The following ACAD10 variants were observed in gnomAD, a reference collection of about 807,000 sequenced individuals.
ACAD10 encodes acyl-CoA dehydrogenase family member 10.
ACAD10 carries 112 observed loss-of-function variants against 116.8 expected under a neutral mutation model. The ratio of observed to expected loss-of-function variants is 0.96; its 90% CI spans 0.82 to 1.12. ACAD10 has a LOEUF of 1.12. Ranked by LOEUF, ACAD10 falls within the 50% of genes most tolerant of loss-of-function variation. The pLI, the probability that ACAD10 is intolerant of heterozygous loss-of-function variation, is 0.00. For missense variants in ACAD10, 1,259 were observed against 1,350.2 expected (o/e 0.93, Z 1.06); for synonymous variants, 486 against 510.6 (o/e 0.95, Z 0.65).
intron 19 of ACAD10, 72 bp downstream of exon 19, chr12:111,753,987 C>A: frequency 6.7e-7 from 1 of 1,499,618 alleles, no homozygotes; most frequent in Non-Finnish European, 8.9e-7. Context: ...AGCATGAGAG[C>A]CTGGCTTCTT....
At position 111,709,609 on chromosome 12, in the gene ACAD10, C is replaced by T. The variant is rs750608750; in HGVS notation, c.615C>T (p.Pro205=). ...GCTTGGAGCAGCTCGGCCTGCAGCC[C>T]TCTGAGTCCATCTTTCTTGATGACC... ...KLCLEQLGLQ[P]SESIFLDDLG... Residue 205 remains proline (P), a synonymous_variant, in exon 5 of 21, where the codon CCC becomes CCT. Coordinates refer to ENST00000313698, the MANE Select transcript of ACAD10 (RefSeq NM_025247.6). The T allele has an allele frequency of 3.1e-6, 5 of 1,613,970 alleles. No homozygotes were observed. Among genetic ancestry groups the T allele is most frequent in the East Asian group, 2.2e-5 (1 of 44,888 alleles).
chr12:111,753,392 T>C (rs925080995), intron 18 of ACAD10: 10 of 429,742 alleles, frequency 2.3e-5, no homozygotes, highest in Non-Finnish European at 3.7e-5. Flanking sequence ...GTGCAGTGCC[T>C]GCAGTCACTC....
At position 111,709,713 on chromosome 12, in the gene ACAD10, C is replaced by T. The variant is rs547985119; in HGVS notation, c.690+29C>T. ...ATAGTCACTAATTTTTGAACTCCCT[C>T]CCATGCACCAGCCACTAATGCAATG... On this transcript the variant is annotated intron_variant, in intron 5 of 20. Transcript: ENST00000313698. The T allele has an allele frequency of 2.0e-5, 31 of 1,578,694 alleles. 1 individual carries two copies. Among genetic ancestry groups the T allele is most frequent in the South Asian group, 6.9e-5 (6 of 86,684 alleles).
chr12:111,712,199 T>A (rs1888705213), intron 5 of ACAD10, among the ~76,000 whole-genome samples: 1 of 152,162 alleles, frequency 6.6e-6, no homozygotes, highest in South Asian at 2.1e-4. Context: ...TGCTGGTGAG[T>A]GTACCCTTTC....
rs1456448498 is a variant in ACAD10 at position 111,736,814 on chromosome 12, CTCTG to C, written c.1541-13_1541-10del. On this transcript the variant is annotated splice_polypyrimidine_tract_variant and intron_variant, in intron 11 of 20. Coordinates refer to ENST00000313698, the MANE Select transcript of ACAD10 (RefSeq NM_025247.6). ...CACGTCAGTGACTACCCATGAATGG[CTCTG>C]TCTTTCTCGCAGGTATTAATGACTG... The C allele has an allele frequency of 3.1e-6, 5 of 1,607,412 alleles. No individual in the cohort carries two copies. The highest frequency in any genetic ancestry group is 1.3e-5 in the African/African-American group (1 of 74,672).
chr12:111,708,322 TC>T (rs965559233), intron 4 of ACAD10, among the ~76,000 whole-genome samples: 1 of 151,650 alleles, frequency 6.6e-6, no homozygotes, highest in African/African-American at 2.4e-5. Flanking sequence ...CTTTGCCCCA[TC>T]CCCCCCAATT....
At chr12:111,691,063 T>C (rs897849569) in intron 1 of ACAD10, 3 of 152,172 alleles carry the variant, frequency 2.0e-5, no homozygotes, top group Admixed American at 2.0e-4. Context: ...TTCAAGCTTA[T>C]AGAAAAGTCA....
intron 13 of ACAD10, 89 bp downstream of exon 13, chr12:111,745,132 G>T (rs1889855088): frequency 1.4e-6 from 2 of 1,403,648 alleles, no homozygotes; most frequent in African/African-American, 1.4e-5. Context: ...ATCCCAGGCA[G>T]TGAAGATACA....
chr12:111,714,020 G>A (rs941140638), intron 6 of ACAD10, among the ~76,000 whole-genome samples: 22 of 151,896 alleles, frequency 1.4e-4, no homozygotes, highest in African/African-American at 2.2e-4. Flanking sequence ...CGAGATGGGC[G>A]GATCATCTGA....
In ACAD10 at chr12:111,692,350, A is replaced by T. The variant is rs1888073337; in HGVS notation, c.-13-347A>T. ...AGGTCTGAGAAGAGGCAAGGGGGCC[A>T]GTTAGGATCCATGGGCAAGATGGTG... On this transcript the variant is annotated intron_variant, in intron 1 of 20. Transcript: ENST00000313698. 2.0e-5 allele frequency among the ~76,000 whole-genome samples: 3 copies of T among 152,330 alleles called. No homozygotes were observed. The South Asian group carries it at 6.2e-4, about 32-fold the overall frequency.
intron 3 of ACAD10, among the ~76,000 whole-genome samples, chr12:111,704,606 T>G (rs1003003795): frequency 1.3e-5 from 2 of 152,198 alleles, no homozygotes; most frequent in African/African-American, 4.8e-5. Context: ...TGTGTGTATA[T>G]GTATATATAA....
At chr12:111,725,868 C>A (rs984937536) in intron 8 of ACAD10, among the ~76,000 whole-genome samples, 8 of 152,096 alleles carry the variant, frequency 5.3e-5, no homozygotes, top group Non-Finnish European at 1.0e-4. Context: ...ACCAGTATAC[C>A]TAACTAACAA....
intron 11 of ACAD10, among the ~76,000 whole-genome samples, chr12:111,734,767 CTG>C (rs1412758384): frequency 6.6e-6 from 1 of 152,168 alleles, no homozygotes; most frequent in East Asian, 1.9e-4. Flanking sequence ...ATCTTTTCTT[CTG>C]TGTGTATATG....
chr12:111,746,330 T>G, intron 14 of ACAD10, 46 bp downstream of exon 14: 1 of 1,580,648 alleles, frequency 6.3e-7, no homozygotes, highest in Non-Finnish European at 8.6e-7. Context: ...CATCCTGATC[T>G]TCATAAGAAC....
rs1171539534 is a variant in ACAD10, at chr12:111,686,053, A to G, written c.-200A>G. On this transcript the variant is annotated 5_prime_UTR_variant, in exon 1 of 21. Transcript: ENST00000313698. ...TTGGGCGGCGTGGCAGGGGTCACCC[A>G]CTGCTCTTCCGGACGCAATTTTGAG... The G allele has an allele frequency of 3.9e-6, 1 of 259,082 alleles. No individual in the cohort carries two copies. The allele number at this position is 259,082 out of a possible 1,614,324, so 16.0% of individuals were successfully genotyped here.
chr12:111,712,654 A>C lies in ACAD10; in HGVS notation c.847A>C (p.Thr283Pro). ...YLKDLLGIQT[T>P]GPLELLQFDH... Reference sequence around the variant, plus strand: ...CAAAGACTTACTGGGTATCCAGACCACAGGTATGTGGGCTTCTTTCATGTT... The same window carrying C: ...CAAAGACTTACTGGGTATCCAGACCCCAGGTATGTGGGCTTCTTTCATGTT... The change falls in exon 6 of 21, where the codon ACA becomes CCA. Residue 283 changes from threonine to proline, a missense_variant. Coordinates refer to ENST00000313698, the MANE Select transcript of ACAD10 (RefSeq NM_025247.6). 1 of 1,613,952 alleles carries C rather than the reference A, an allele frequency of 6.2e-7. No individual in the cohort carries two copies. The highest frequency in any genetic ancestry group is 8.5e-7 in the Non-Finnish European group (1 of 1,179,948).
chr12:111,723,763 G>A (rs1208003386), intron 8 of ACAD10, among the ~76,000 whole-genome samples: 25 of 150,610 alleles, frequency 1.7e-4, no homozygotes, highest in Admixed American at 4.6e-4. Context: ...GGTGGCTGCC[G>A]GGCAGAGAGG....
At chr12:111,737,171 A>G (rs1038167626) in intron 12 of ACAD10, among the ~76,000 whole-genome samples, 167 bp downstream of exon 12, 1 of 152,030 alleles carries the variant, frequency 6.6e-6, no homozygotes, top group Non-Finnish European at 1.5e-5. Flanking sequence ...TATTTTCTTT[A>G]CAATATTTAT....
chr12:111,757,034 A>G lies in ACAD10; in HGVS notation c.*561A>G. The G allele has an allele frequency of 2.7e-6, 1 of 364,462 alleles. No homozygotes were observed. 22.6% of individuals were successfully genotyped at this position (364,462 alleles called of 1,614,324 possible). On this transcript the variant is annotated 3_prime_UTR_variant, in exon 21 of 21. Transcript: ENST00000313698. ...TTTGAACACACAGCACAGAACAATC[A>G]TTTAAATGTTATTTTGGAAAGGGGT...
Sources: allele counts gnomAD v4.1 joint callset (sites outside exome capture counted in the v4.1 genomes callset), GRCh38; gene constraint gnomAD v4.1.1; transcripts MANE v1.5; gene names NCBI Gene and HGNC (gene_info 2026-07-23, HGNC 2026-07-21).